The following SECISBP2 variants were observed in gnomAD, a reference collection of about 807,000 sequenced individuals.
SECISBP2 encodes SECIS binding protein 2, also known as selenocysteine insertion sequence-binding protein 2.
SECISBP2 carries 96 observed loss-of-function variants against 98.2 expected under a neutral mutation model. That is an observed-to-expected ratio of 0.98 (90% CI 0.83 to 1.16). The LOEUF (loss-of-function observed/expected upper bound fraction) is 1.16. Among genes scored for constraint, SECISBP2 ranks in the 50% most tolerant of loss-of-function variants. The pLI is 0.00. For synonymous variants in SECISBP2, 407 were observed against 370.2 expected, an observed-to-expected ratio of 1.10 and a Z score of -1.14; for missense variants, 1,046 against 1,022.9, an observed-to-expected ratio of 1.02 and a Z score of -0.31.
chr9:89,329,935 A>AT (rs1827471856), intron 5 of SECISBP2: 1 of 152,240 alleles, frequency 6.6e-6, no homozygotes, highest in Non-Finnish European at 1.5e-5. Context: ...ATTGAAATAC[A>AT]TTAAGTCCTC....
chr9:89,325,056 A>ATT, intron 2 of SECISBP2: 1 of 306,288 alleles, frequency 3.3e-6, no homozygotes, highest in Non-Finnish European at 6.2e-6. Context: ...TGGTGGAGGC[A>ATT]TTGCAGGCTG....
At chr9:89,350,591 C>T (rs758946682) in intron 13 of SECISBP2, 41 bp from the exon 14 acceptor site, 1 of 1,570,552 alleles carries the variant, frequency 6.4e-7, no homozygotes, top group Non-Finnish European at 8.8e-7. Flanking sequence ...TGCAGTGTCA[C>T]AGCCAGTGGC....
Position 89,340,931 on chromosome 9 carries a change from C to T in SECISBP2, c.1303-416C>T, listed in dbSNP as rs1427632428. Reference sequence around the variant, plus strand: ...CTTATGTAGACTTTTGGTTGTATCACTATAATTTCATGGCATTTGTTGGTT... The same window carrying T: ...CTTATGTAGACTTTTGGTTGTATCATTATAATTTCATGGCATTTGTTGGTT... On this transcript the variant is annotated intron_variant, in intron 9 of 16. Transcript: ENST00000375807. Among the ~76,000 whole-genome samples the T allele has an allele frequency of 3.3e-5, 5 of 152,114 alleles. No homozygotes were observed. In the South Asian group the frequency reaches 1.0e-3, roughly 31 times the overall value.
At chr9:89,342,812 C>T (rs1829854084) in intron 10 of SECISBP2, among the ~76,000 whole-genome samples, 1 of 152,024 alleles carries the variant, frequency 6.6e-6, no homozygotes, top group African/African-American at 2.4e-5. Flanking sequence ...TTCATTGGAG[C>T]ATTAAAAAGT....
intron 10 of SECISBP2, among the ~76,000 whole-genome samples, chr9:89,346,229 T>C (rs1196565257): frequency 6.6e-6 from 1 of 152,164 alleles, no homozygotes; most frequent in Non-Finnish European, 1.5e-5. Flanking sequence ...TTACTTGAAA[T>C]AACTATTGAG....
chr9:89,355,439 AG>A, intron 14 of SECISBP2: 1 of 974,746 alleles, frequency 1.0e-6, no homozygotes. Context: ...GGTCAGCATC[AG>A]GAGCTTGGCA....
intron 1 of SECISBP2, 138 bp downstream of exon 1, chr9:89,318,750 G>C: frequency 8.1e-7 from 1 of 1,230,280 alleles, no homozygotes; most frequent in South Asian, 2.1e-5. Context: ...GCCCTACCGG[G>C]TGGCCGCGAT....
intron 14 of SECISBP2, chr9:89,355,612 A>G (rs1831940925): frequency 2.1e-6 from 2 of 964,450 alleles, no homozygotes; most frequent in Non-Finnish European, 2.5e-6. Flanking sequence ...TTGGCCATGC[A>G]GAGACTTTAG....
intron 4 of SECISBP2, 107 bp from the exon 5 acceptor site, chr9:89,328,553 C>T: frequency 1.2e-6 from 1 of 812,594 alleles, no homozygotes; most frequent in South Asian, 1.4e-5. Context: ...TGACAACAAC[C>T]TGTTGCATCA....
chr9:89,325,193 G>C, intron 2 of SECISBP2: 1 of 533,266 alleles, frequency 1.9e-6, no homozygotes, highest in African/African-American at 1.9e-5. Context: ...TGGCTCTGTT[G>C]ATGTTTCTTA....
At chr9:89,325,866 A>G in intron 3 of SECISBP2, 31 bp from the exon 4 acceptor site, 1 of 1,613,022 alleles carries the variant, frequency 6.2e-7, no homozygotes, top group Non-Finnish European at 8.5e-7. Context: ...TGGTGGTTTT[A>G]TTTCATGTTG....
rs751700646 is a variant in SECISBP2, at chr9:89,319,669, A to T, written c.54A>T (p.Ala18=). 6.2e-7 allele frequency: 1 copy of T among 1,614,192 alleles called. No individual in the cohort carries two copies. Among genetic ancestry groups the T allele is most frequent in the East Asian group, 2.2e-5 (1 of 44,890 alleles). ...EPESEGIKLS[A]DVKPFVPRFA... ...TTCCTCAGGGCATCAAGTTATCAGC[A>T]GATGTCAAACCATTTGTCCCCAGAT... is the stretch of plus-strand genomic sequence containing the variant. The change falls in exon 2 of 17, where the codon GCA becomes GCT. Residue 18 remains alanine (A), a synonymous_variant. Coordinates refer to ENST00000375807, the MANE Select transcript of SECISBP2 (RefSeq NM_024077.5).
chr9:89,357,104 C>T (rs1357795690), intron 14 of SECISBP2: 4 of 413,996 alleles, frequency 9.7e-6, no homozygotes, highest in Non-Finnish European at 1.8e-5. Flanking sequence ...AGTGAGGACA[C>T]AGCATCTGTC....
intron 10 of SECISBP2, among the ~76,000 whole-genome samples, chr9:89,345,532 G>A (rs1830294876): frequency 1.3e-5 from 2 of 152,202 alleles, no homozygotes; most frequent in Admixed American, 1.3e-4. Context: ...ACTTTCCAGA[G>A]GGCTGATATG....
chr9:89,329,056 A>G, intron 5 of SECISBP2, 170 bp downstream of exon 5: 1 of 626,092 alleles, frequency 1.6e-6, no homozygotes, highest in Non-Finnish European at 2.8e-6. Flanking sequence ...TTGTTTGAAC[A>G]GTTTATAATG....
rs755725658 is a variant in SECISBP2, at chr9:89,334,565, A to G, written c.924A>G (p.Leu308=). 10 of 1,614,200 alleles carry G rather than the reference A, an allele frequency of 6.2e-6. No homozygotes were observed. Among genetic ancestry groups the G allele is most frequent in the Non-Finnish European group, 8.5e-6 (10 of 1,180,030 alleles). ...TPMGYVVRQT[L]STELSAAPKN... is the part of the protein sequence containing the mutation. The stretch of plus-strand genomic sequence containing the variant: ...TGGGTTATGTTGTTCGACAGACATT[A>G]TCTACAGAACTGTCAGCAGCCCCTA... Residue 308 remains leucine, a synonymous_variant, in exon 7 of 17, where the codon TTA becomes TTG. Coordinates refer to ENST00000375807, the MANE Select transcript of SECISBP2 (RefSeq NM_024077.5).
intron 6 of SECISBP2, among the ~76,000 whole-genome samples, chr9:89,333,519 A>C (rs1235335285): frequency 6.6e-6 from 1 of 152,210 alleles, no homozygotes; most frequent in Non-Finnish European, 1.5e-5. Flanking sequence ...GGCTCTGTAG[A>C]TCTGCCATGG....
At chr9:89,363,153 C>T (rs1322731795), downstream of SECISBP2, among the ~76,000 whole-genome samples, 1 of 152,232 alleles carries the variant, frequency 6.6e-6, no homozygotes, top group African/African-American at 2.4e-5. Flanking sequence ...GCCCATCTAA[C>T]TAGACAGCCC....
intron 14 of SECISBP2, among the ~76,000 whole-genome samples, chr9:89,351,732 C>T (rs1831310958): frequency 6.6e-6 from 1 of 152,188 alleles, no homozygotes; most frequent in Non-Finnish European, 1.5e-5. Context: ...GCAGCTCGTC[C>T]CTGTCCTAAC....
Sources: gnomAD v4.1 joint callset for allele counts (sites outside exome capture counted in the v4.1 genomes callset) on GRCh38, gnomAD v4.1.1 for gene constraint, MANE v1.5 for transcripts, NCBI Gene and HGNC (gene_info 2026-07-23, HGNC 2026-07-21) for gene names.